Variants in PDZRN4 observed in about 807,000 individuals in gnomAD.
The protein encoded by PDZRN4 is PDZ domain containing ring finger 4, also known as PDZ domain-containing RING finger protein 4.
A neutral mutation model predicts 99.0 loss-of-function variants in PDZRN4; 70 were observed. The ratio of observed to expected loss-of-function variants is 0.71; its 90% confidence interval spans 0.58 to 0.86. The LOEUF (loss-of-function observed/expected upper bound fraction) is 0.86, where lower values mean the gene tolerates loss of function less well. PDZRN4 is among the 40% of genes least tolerant of loss of function. The pLI is 0.00. For synonymous variants in PDZRN4, 551 were observed against 501.6 expected (o/e 1.10, Z -1.32); for missense variants, 1,474 against 1,331.2 (o/e 1.11, Z -1.67).
chr12:41,322,870 CTTTTTTCTT>C (rs140372354), intron 3 of PDZRN4, among the ~76,000 whole-genome samples: 7,556 of 151,916 alleles, frequency 0.05, 617 homozygotes, highest in African/African-American at 0.17. Flanking sequence ...GATTTCTTTC[CTTTTTTCTT>C]TTTTTTCTTT....
rs144387032 is a variant in PDZRN4, at chr12:41,516,200, G to A, written c.1203+6287G>A. On this transcript the variant is annotated intron_variant, in intron 5 of 9. Coordinates refer to ENST00000402685, the MANE Select transcript of PDZRN4 (RefSeq NM_001164595.2). ...CCGCATTCTGTAAATATTTTCTGTC[G>A]TTTAGATTATGCCCCAGGCTATAGT... Among the ~76,000 whole-genome samples, 73 of 152,024 alleles carry A rather than the reference G, an allele frequency of 4.8e-4. 1 individual carries two copies. Among genetic ancestry groups the A allele is most frequent in the East Asian group, 4.5e-3 (23 of 5,150 alleles).
Position 41,208,497 on chromosome 12 carries a change from T to C in PDZRN4, c.843+14309T>C, listed in dbSNP as rs558437338. 7.9e-5 allele frequency among the ~76,000 whole-genome samples: 12 copies of C among 152,100 alleles called. No homozygotes were observed. The East Asian group carries it at 2.3e-3, about 29-fold the overall frequency. ...TAATCTTTGTCAATTATTTTAATCT[T>C]TGTCAAGCTTTTAATCTTTGTCAGT... On this transcript the variant is annotated intron_variant, in intron 3 of 9. Coordinates refer to ENST00000402685, the MANE Select transcript of PDZRN4 (RefSeq NM_001164595.2).
chr12:41,316,636 T>C (rs1156551224), intron 3 of PDZRN4, among the ~76,000 whole-genome samples: 2 of 152,098 alleles, frequency 1.3e-5, no homozygotes, highest in Middle Eastern at 3.2e-3. Context: ...AATGGTTGTA[T>C]CACGAGTACC....
intron 3 of PDZRN4, among the ~76,000 whole-genome samples, chr12:41,210,838 T>G (rs571644860): frequency 6.7e-6 from 1 of 150,288 alleles, no homozygotes; most frequent in Admixed American, 6.7e-5. Context: ...GCAGACACCA[T>G]ATCTAAGATT....
intron 3 of PDZRN4, among the ~76,000 whole-genome samples, chr12:41,316,229 C>T (rs1314967624): frequency 6.6e-6 from 1 of 151,944 alleles, no homozygotes; most frequent in African/African-American, 2.4e-5. Flanking sequence ...GTATTGACCC[C>T]TCTAGTTTAG....
intron 3 of PDZRN4, among the ~76,000 whole-genome samples, chr12:41,367,275 C>T (rs1237792175): frequency 2.6e-5 from 4 of 151,906 alleles, no homozygotes; most frequent in Non-Finnish European, 4.4e-5. Context: ...TTTGGGAGGC[C>T]GAGGTGGGTG....
At chr12:41,364,341 A>G (rs1951982941) in intron 3 of PDZRN4, among the ~76,000 whole-genome samples, 1 of 152,074 alleles carries the variant, frequency 6.6e-6, no homozygotes, top group African/African-American at 2.4e-5. Flanking sequence ...CTTCAATGCC[A>G]TACTACATGC....
chr12:41,358,815 T>C (rs562100051), intron 3 of PDZRN4, among the ~76,000 whole-genome samples: 1 of 152,138 alleles, frequency 6.6e-6, no homozygotes, highest in East Asian at 1.9e-4. Context: ...CATTTACATA[T>C]TGTGAGCACA....
At chr12:41,513,638 T>A (rs1025769783) in intron 5 of PDZRN4, among the ~76,000 whole-genome samples, 4 of 152,080 alleles carry the variant, frequency 2.6e-5, no homozygotes, top group African/African-American at 7.2e-5. Context: ...TTATTCATTT[T>A]TCCCCCTAGA....
intron 3 of PDZRN4, among the ~76,000 whole-genome samples, chr12:41,443,061 G>A (rs1952694199): frequency 6.6e-6 from 1 of 152,070 alleles, no homozygotes; most frequent in Admixed American, 6.6e-5. Context: ...TAGACATGTG[G>A]TTCAGTTCAA....
In PDZRN4 at chr12:41,402,182, T is replaced by C. The variant is rs866349524; in HGVS notation, c.844-104274T>C. ...TATATATATATACACACTGAGTATA[T>C]ATATATATACACACACACTGAGTAT... On this transcript the variant is annotated intron_variant, in intron 3 of 9. Coordinates refer to ENST00000402685, the MANE Select transcript of PDZRN4 (RefSeq NM_001164595.2). 2.7e-4 allele frequency among the ~76,000 whole-genome samples: 26 copies of C among 97,290 alleles called. 4 individuals are homozygous for C. Among genetic ancestry groups the C allele is most frequent in the South Asian group, 6.6e-4 (2 of 3,016 alleles). 63.8% of individuals were successfully genotyped at this position (97,290 alleles called of 152,430 possible).
chr12:41,297,835 T>G (rs914372355), intron 3 of PDZRN4, among the ~76,000 whole-genome samples: 1 of 152,168 alleles, frequency 6.6e-6, no homozygotes, highest in Non-Finnish European at 1.5e-5. Flanking sequence ...AACTGACTAT[T>G]AGGCTAAAAA....
intron 5 of PDZRN4, among the ~76,000 whole-genome samples, chr12:41,546,694 A>T (rs959200519): frequency 2.0e-5 from 3 of 152,196 alleles, no homozygotes; most frequent in Non-Finnish European, 4.4e-5. Context: ...TTCAAGCTGC[A>T]TAAGGAGACA....
chr12:41,350,573 G>C (rs973803711), intron 3 of PDZRN4, among the ~76,000 whole-genome samples: 1 of 151,972 alleles, frequency 6.6e-6, no homozygotes, highest in Non-Finnish European at 1.5e-5. Context: ...AAATAGAAAC[G>C]CATTCTCAAG....
rs546393525 is a variant in PDZRN4, at chr12:41,312,819, C to A, written c.843+118631C>A. Among the ~76,000 whole-genome samples the A allele has an allele frequency of 1.4e-4, 22 of 152,108 alleles. No homozygotes were observed. The South Asian group carries it at 4.6e-3, about 32-fold the overall frequency. On this transcript the variant is annotated intron_variant, in intron 3 of 9. Transcript: ENST00000402685. ...ATTTGAGTGTGGACACAAAGCCAAA[C>A]CCTATCACCTTCTTTTCTTCTTTCT...
intron 3 of PDZRN4, among the ~76,000 whole-genome samples, chr12:41,349,515 G>A (rs2121034432): frequency 6.6e-6 from 1 of 151,888 alleles, no homozygotes; most frequent in African/African-American, 2.4e-5. Flanking sequence ...AGGTTATTGA[G>A]ATAAATAAAT....
At chr12:41,408,188 G>T (rs1952363478) in intron 3 of PDZRN4, among the ~76,000 whole-genome samples, 1 of 152,180 alleles carries the variant, frequency 6.6e-6, no homozygotes, top group Non-Finnish European at 1.5e-5. Context: ...AAGTGAGTAG[G>T]AGAGAAAAAT....
chr12:41,493,951 G>A (rs574258093), intron 3 of PDZRN4, among the ~76,000 whole-genome samples: 173 of 151,966 alleles, frequency 1.1e-3, no homozygotes, highest in South Asian at 7.1e-3. Context: ...CAAGAATAGC[G>A]CTTATTCATG....
intron 3 of PDZRN4, among the ~76,000 whole-genome samples, chr12:41,419,908 A>G (rs1358044224): frequency 6.6e-6 from 1 of 152,204 alleles, no homozygotes; most frequent in Non-Finnish European, 1.5e-5. Flanking sequence ...CATATGCTTG[A>G]TGTAAATTTT....
Sources: gnomAD v4.1 joint callset for allele counts (sites outside exome capture counted in the v4.1 genomes callset) on GRCh38, gnomAD v4.1.1 for gene constraint, MANE v1.5 for transcripts, NCBI Gene and HGNC (gene_info 2026-07-23, HGNC 2026-07-21) for gene names.